C6orf52: variants seen among roughly 807,000 people sequenced by gnomAD.
C6orf52 encodes the protein chromosome 6 open reading frame 52, also known as putative uncharacterized protein C6orf52.
C6orf52 carries 16 observed loss-of-function variants against 16.6 expected under a neutral mutation model. That is an observed-to-expected ratio of 0.96 (90% CI 0.65 to 1.46). C6orf52 has a LOEUF of 1.46. Ranked by LOEUF, C6orf52 falls within the 40% of genes most tolerant of loss-of-function variation. The probability of loss-of-function intolerance (pLI) is 0.00; values close to 1 mark genes in which losing one functional copy is unlikely to be tolerated. For synonymous variants in C6orf52, 53 were observed against 61.4 expected, an observed-to-expected ratio of 0.86 and a Z score of 0.64; for missense variants, 166 against 182.3, an observed-to-expected ratio of 0.91 and a Z score of 0.52.
intron 1 of C6orf52, among the ~76,000 whole-genome samples, chr6:10,692,593 A>G (rs1471536422): frequency 6.6e-6 from 1 of 151,802 alleles, no homozygotes; most frequent in Non-Finnish European, 1.5e-5. Context: ...GGCGCCCACC[A>G]CCACACCCAG....
At chr6:10,672,547 C>T (rs1029753368) in intron 4 of C6orf52, 1 of 700,638 alleles carries the variant, frequency 1.4e-6, no homozygotes, top group Non-Finnish European at 2.6e-6. Context: ...CAACTCATAC[C>T]TGTAACCCCA....
intron 1 of C6orf52, among the ~76,000 whole-genome samples, chr6:10,690,133 T>C (rs1238506018): frequency 8.5e-5 from 13 of 152,166 alleles, no homozygotes; most frequent in Non-Finnish European, 8.8e-5. Context: ...TGTAATCATG[T>C]TGCAACCACC....
chr6:10,674,573 CAT>C (rs746864231), intron 4 of C6orf52: 6 of 151,518 alleles, frequency 4.0e-5, no homozygotes, highest in African/African-American at 7.3e-5. Context: ...AACTACCTCA[CAT>C]AGTTATCATT....
At chr6:10,686,359 A>G (rs1366268468) in intron 3 of C6orf52, among the ~76,000 whole-genome samples, 3 of 152,212 alleles carry the variant, frequency 2.0e-5, no homozygotes, top group African/African-American at 7.2e-5. Context: ...AAAGATCTAG[A>G]AGACATAGAT....
chr6:10,671,562 T>TG lies in C6orf52; in HGVS notation c.352dup (p.Gln118ProfsTer8). The stretch of plus-strand genomic sequence containing the variant: ...TTCTTCACTTTTCACCATAAACTCT[T>TG]GGTTTGATTCCTCAATATTCAAATG... On this transcript the variant is annotated frameshift_variant, in exon 5 of 5. Coordinates refer to ENST00000259983, the MANE Select transcript of C6orf52 (RefSeq NM_001145020.3). LOFTEE classifies it low-confidence loss of function (END_TRUNC). 6.5e-7 allele frequency: 1 copy of TG among 1,546,632 alleles called. No homozygotes were observed. Among genetic ancestry groups the TG allele is most frequent in the South Asian group, 1.2e-5 (1 of 82,954 alleles).
intron 4 of C6orf52, among the ~76,000 whole-genome samples, chr6:10,678,672 G>C (rs899917088): frequency 6.6e-6 from 1 of 152,136 alleles, no homozygotes; most frequent in African/African-American, 2.4e-5. Flanking sequence ...GGCTGGGCAT[G>C]GTGGCTTATG....
At chr6:10,680,199 G>A (rs993105177) in intron 4 of C6orf52, among the ~76,000 whole-genome samples, 6 of 151,828 alleles carry the variant, frequency 4.0e-5, no homozygotes, top group Admixed American at 1.3e-4. Context: ...GGTTGCAGCC[G>A]AGATCACGGC....
At chr6:10,683,770 A>G (rs992998528) in intron 3 of C6orf52, among the ~76,000 whole-genome samples, 1 of 152,276 alleles carries the variant, frequency 6.6e-6, no homozygotes, top group African/African-American at 2.4e-5. Flanking sequence ...ATATCCTTAC[A>G]TAATGAGAGA....
Position 10,687,107 on chromosome 6 carries a change from A to G in C6orf52, c.129T>C (p.Tyr43=), listed in dbSNP as rs1175542177. ...QEFQPSQSYR[Y]GNWYARQHGS... ...CGTGCTGTCGCGCATACCAGTTGCC[A>G]TAGCGGTAACTCTGGCTGGGCTGGA... is the stretch of plus-strand genomic sequence containing the variant. Residue 43 remains tyrosine (Y), a synonymous_variant, in exon 3 of 5, where the codon TAT becomes TAC. Transcript: ENST00000259983. 2 of 1,552,034 alleles carry G rather than the reference A, an allele frequency of 1.3e-6. No homozygotes were observed. The highest frequency in any genetic ancestry group is 1.4e-5 in the African/African-American group (1 of 73,182).
chr6:10,675,568 T>G (rs1767803912), intron 4 of C6orf52, among the ~76,000 whole-genome samples: 1 of 152,230 alleles, frequency 6.6e-6, no homozygotes, highest in Non-Finnish European at 1.5e-5. Context: ...CTGGATCATA[T>G]AGTAGCTCTA....
intron 4 of C6orf52, among the ~76,000 whole-genome samples, chr6:10,677,108 G>A (rs1767968048): frequency 6.6e-6 from 1 of 152,204 alleles, no homozygotes; most frequent in African/African-American, 2.4e-5. Flanking sequence ...ATGTCGTGGA[G>A]CTTTTCCCTT....
rs1717035884 is a variant in C6orf52 at position 10,692,278 on chromosome 6, C to T, written c.-12+2216G>A. On this transcript the variant is annotated intron_variant, in intron 1 of 4. Coordinates refer to ENST00000259983, the MANE Select transcript of C6orf52 (RefSeq NM_001145020.3). ...AAAATGTGAAACTTACAATGTCCTGCTTACTAATACCTTGTCTCACGTCCA... is the reference window on the plus strand; with the variant it reads ...AAAATGTGAAACTTACAATGTCCTGTTTACTAATACCTTGTCTCACGTCCA... 2.0e-5 allele frequency among the ~76,000 whole-genome samples: 3 copies of T among 152,314 alleles called. No homozygotes were observed. In the South Asian group the frequency reaches 6.2e-4, roughly 32 times the overall value.
At chr6:10,677,365 T>C (rs997208950) in intron 4 of C6orf52, among the ~76,000 whole-genome samples, 1 of 152,124 alleles carries the variant, frequency 6.6e-6, no homozygotes, top group African/African-American at 2.4e-5. Flanking sequence ...TTCTGTTCCA[T>C]TGGTTTATGT....
chr6:10,682,993 A>C (rs1768538284), intron 4 of C6orf52, among the ~76,000 whole-genome samples, 194 bp downstream of exon 4: 2 of 152,246 alleles, frequency 1.3e-5, no homozygotes, highest in Admixed American at 1.3e-4. Flanking sequence ...AGAAAGGCCC[A>C]AAGAGGTGGC....
At chr6:10,686,412 A>T (rs1184389438) in intron 3 of C6orf52, among the ~76,000 whole-genome samples, 2 of 152,150 alleles carry the variant, frequency 1.3e-5, no homozygotes, top group Non-Finnish European at 2.9e-5. Flanking sequence ...GGAATGGGGA[A>T]GGAGGAGGGG....
intron 4 of C6orf52, among the ~76,000 whole-genome samples, chr6:10,682,034 G>A (rs537264594): frequency 6.6e-6 from 1 of 152,194 alleles, no homozygotes; most frequent in Non-Finnish European, 1.5e-5. Flanking sequence ...CAGGGGAGGA[G>A]CCTGGCCTTT....
intron 4 of C6orf52, among the ~76,000 whole-genome samples, chr6:10,674,417 T>C (rs1432801152): frequency 6.6e-6 from 1 of 152,204 alleles, no homozygotes; most frequent in African/African-American, 2.4e-5. Flanking sequence ...AATTTAAAAT[T>C]ACCCACATGG....
chr6:10,676,598 G>A (rs996422093), intron 4 of C6orf52, among the ~76,000 whole-genome samples: 1 of 152,218 alleles, frequency 6.6e-6, no homozygotes, highest in South Asian at 2.1e-4. Flanking sequence ...CAAGTGGAAA[G>A]TCTATTTGCA....
rs936330727 is a variant in C6orf52 at position 10,686,124 on chromosome 6, G to A, written c.270+842C>T. 1.1e-4 allele frequency among the ~76,000 whole-genome samples: 17 copies of A among 152,244 alleles called. 1 individual carries two copies. Among genetic ancestry groups the A allele is most frequent in the Non-Finnish European group, 1.9e-4 (13 of 68,022 alleles). On this transcript the variant is annotated intron_variant, in intron 3 of 4. Coordinates refer to ENST00000259983, the MANE Select transcript of C6orf52 (RefSeq NM_001145020.3). ...TGGCTCATTGCAGCCTCAAACTCCCGGACTCAAGTGATCGTCCCGCCTCAG... is the reference window on the plus strand; with the variant it reads ...TGGCTCATTGCAGCCTCAAACTCCCAGACTCAAGTGATCGTCCCGCCTCAG...
Sources: gnomAD v4.1 joint callset for allele counts (sites outside exome capture counted in the v4.1 genomes callset) on GRCh38, gnomAD v4.1.1 for gene constraint, MANE v1.5 for transcripts, NCBI Gene and HGNC (gene_info 2026-07-23, HGNC 2026-07-21) for gene names.